The following CAPN13 variants were observed in gnomAD, a reference collection of about 807,000 sequenced individuals.
The protein encoded by CAPN13 is calpain-13.
Under a neutral mutation model 98.4 loss-of-function variants are expected in CAPN13, and 90 were observed. The observed-to-expected ratio is 0.92, with a 90% confidence interval of 0.77 to 1.09. CAPN13 has a LOEUF of 1.09. Ranked by LOEUF, CAPN13 falls within the 50% of genes least tolerant of loss-of-function variation. The pLI, the probability that CAPN13 is intolerant of heterozygous loss-of-function variation, is 0.00. For missense variants in CAPN13, 887 were observed against 841.3 expected, an observed-to-expected ratio of 1.05 and a Z score of -0.67; for synonymous variants, 330 against 305.5, an observed-to-expected ratio of 1.08 and a Z score of -0.84.
chr2:30,764,083 T>C, intron 6 of CAPN13, 49 bp downstream of exon 6: 1 of 1,523,234 alleles, frequency 6.6e-7, no homozygotes, highest in Non-Finnish European at 8.9e-7. Context: ...TGAGCATTCC[T>C]GGCTGAGGAA....
chr2:30,769,510 T>TCA, intron 5 of CAPN13, among the ~76,000 whole-genome samples: 1 of 152,194 alleles, frequency 6.6e-6, no homozygotes, highest in South Asian at 2.1e-4. Flanking sequence ...GCCCTCTTCC[T>TCA]CACACACACA....
At chr2:30,735,545 T>C (rs894890158) in intron 18 of CAPN13, among the ~76,000 whole-genome samples, 4 of 152,216 alleles carry the variant, frequency 2.6e-5, no homozygotes, top group Non-Finnish European at 5.9e-5. Context: ...GAACCCCTGC[T>C]GTGTTTTAGC....
At chr2:30,745,641 G>C in intron 12 of CAPN13, 82 bp downstream of exon 12, 1 of 1,415,860 alleles carries the variant, frequency 7.1e-7, no homozygotes, top group Non-Finnish European at 9.7e-7. Context: ...AACACGTGGA[G>C]GCCATGGGCG....
intron 1 of CAPN13, among the ~76,000 whole-genome samples, chr2:30,796,301 C>T (rs565191870): frequency 9.3e-5 from 14 of 150,162 alleles, no homozygotes; most frequent in Non-Finnish European, 1.8e-4. Flanking sequence ...AAAATCTCCA[C>T]CTATTCCCTG....
chr2:30,742,231 TG>T (rs1671698103), intron 14 of CAPN13, 94 bp downstream of exon 14: 2 of 1,397,718 alleles, frequency 1.4e-6, no homozygotes, highest in East Asian at 2.5e-5. Context: ...TTTCATTGGT[TG>T]GGGGCAGCGG....
At chr2:30,806,045 G>A (rs991150391) in intron 1 of CAPN13, 3 of 152,302 alleles carry the variant, frequency 2.0e-5, no homozygotes, top group Middle Eastern at 3.4e-3. Context: ...CTCCCAAAGT[G>A]TTGAGATTAC....
intron 7 of CAPN13, among the ~76,000 whole-genome samples, chr2:30,758,791 C>CG (rs1558314619): frequency 3.5e-5 from 3 of 85,090 alleles, no homozygotes. Context: ...CCTCCCTTTC[C>CG]TTTCCTTCCT....
chr2:30,802,604 C>T (rs1232321216), intron 1 of CAPN13, among the ~76,000 whole-genome samples: 2 of 151,578 alleles, frequency 1.3e-5, no homozygotes, highest in East Asian at 2.0e-4. Flanking sequence ...CATTCTTTCC[C>T]TCTCCAGCCC....
intron 8 of CAPN13, among the ~76,000 whole-genome samples, chr2:30,756,323 G>A (rs1017592990): frequency 5.3e-5 from 8 of 151,956 alleles, no homozygotes; most frequent in East Asian, 1.9e-4. Flanking sequence ...TAGCCTATGC[G>A]TCCCCCTCCT....
In CAPN13 at chr2:30,801,984, G is replaced by GC. The variant is rs1310481133; in HGVS notation, c.-33+5317dup. 5.3e-5 allele frequency among the ~76,000 whole-genome samples: 8 copies of GC among 152,258 alleles called. No homozygotes were observed. The East Asian group carries it at 5.8e-4, about 11-fold the overall frequency. ...CAGATGGAGCTTTTTAAAGACCACC[G>GC]CCCCCTGCGCTGCGTCTAGCCACAA... On this transcript the variant is annotated intron_variant, in intron 1 of 22. Coordinates refer to ENST00000295055, the MANE Select transcript of CAPN13 (RefSeq NM_144575.3).
At chr2:30,738,574 C>A (rs1224817899) in intron 15 of CAPN13, 117 bp from the exon 16 acceptor site, 6 of 1,086,542 alleles carry the variant, frequency 5.5e-6, no homozygotes, top group African/African-American at 1.6e-5. Context: ...ACAATGTACC[C>A]ATCTTGCCCT....
chr2:30,745,780 A>G, intron 11 of CAPN13, 46 bp from the exon 12 acceptor site: 2 of 1,575,406 alleles, frequency 1.3e-6, no homozygotes, highest in Non-Finnish European at 1.7e-6. Context: ...TCAGACGTAA[A>G]CAAAAAGGCA....
At chr2:30,784,264 AT>A (rs202017521) in intron 2 of CAPN13, among the ~76,000 whole-genome samples, 3 of 151,616 alleles carry the variant, frequency 2.0e-5, no homozygotes, top group Non-Finnish European at 4.4e-5. Flanking sequence ...CCTGACCCAC[AT>A]TTTTCCCTGA....
At chr2:30,754,191 G>T (rs1017521529) in intron 9 of CAPN13, 99 bp downstream of exon 9, 2 of 958,856 alleles carry the variant, frequency 2.1e-6, no homozygotes, top group Non-Finnish European at 3.0e-6. Context: ...TCTCTGCAAA[G>T]CTATTTTCCA....
At chr2:30,734,206 G>A (rs1319825610) in intron 19 of CAPN13, among the ~76,000 whole-genome samples, 1 of 152,200 alleles carries the variant, frequency 6.6e-6, no homozygotes, top group Non-Finnish European at 1.5e-5. Flanking sequence ...TTAGAGCTGT[G>A]CTGGGGAGGA....
At chr2:30,800,178 AAG>A (rs1296447549) in intron 1 of CAPN13, among the ~76,000 whole-genome samples, 2 of 151,094 alleles carry the variant, frequency 1.3e-5, no homozygotes, top group South Asian at 2.1e-4. Flanking sequence ...GAAAGAAAGA[AAG>A]AAAGAAAGAA....
At chr2:30,804,776 A>G (rs1675505606) in intron 1 of CAPN13, among the ~76,000 whole-genome samples, 1 of 152,074 alleles carries the variant, frequency 6.6e-6, no homozygotes, top group Non-Finnish European at 1.5e-5. Context: ...GGACGTTCTG[A>G]GAGAGTTAGG....
intron 19 of CAPN13, among the ~76,000 whole-genome samples, chr2:30,733,163 A>G (rs1671189106): frequency 6.6e-6 from 1 of 152,190 alleles, no homozygotes; most frequent in South Asian, 2.1e-4. Context: ...ACACTGGCAC[A>G]TAGTCAGGCT....
intron 22 of CAPN13, among the ~76,000 whole-genome samples, chr2:30,727,075 C>T (rs1310041957): frequency 6.6e-6 from 1 of 152,038 alleles, no homozygotes; most frequent in African/African-American, 2.4e-5. Context: ...GGTTCCAAGA[C>T]AAAGAAACAG....
Sources: gnomAD v4.1 joint callset for allele counts (sites outside exome capture counted in the v4.1 genomes callset) on GRCh38, gnomAD v4.1.1 for gene constraint, MANE v1.5 for transcripts, NCBI Gene and HGNC (gene_info 2026-07-23, HGNC 2026-07-21) for gene names.